PHAX: variants seen among roughly 807,000 people sequenced by gnomAD.
PHAX encodes the protein phosphorylated adapter RNA export protein.
PHAX carries 31 observed loss-of-function variants against 41.6 expected under a neutral mutation model. That is an observed-to-expected ratio of 0.75 (90% CI 0.56 to 1.01). PHAX has a LOEUF of 1.01. PHAX is among the 50% of genes least tolerant of loss of function. The pLI, the probability that PHAX is intolerant of heterozygous loss-of-function variation, is 0.00. For synonymous variants in PHAX, 175 were observed against 164.9 expected (o/e 1.06, Z -0.47); for missense variants, 453 against 472.9 (o/e 0.96, Z 0.39).
chr5:126,602,513 AAG>A (rs1388121774), intron 1 of PHAX, among the ~76,000 whole-genome samples: 5 of 152,252 alleles, frequency 3.3e-5, no homozygotes, highest in Non-Finnish European at 7.3e-5. Flanking sequence ...TTATTATTTG[AAG>A]ATAGGAAGAT....
chr5:126,624,261 C>T (rs985002626), intron 4 of PHAX, among the ~76,000 whole-genome samples: 2 of 152,000 alleles, frequency 1.3e-5, no homozygotes, highest in African/African-American at 2.4e-5. Context: ...CACCCACCTC[C>T]GCCTCCCAAA....
At position 126,613,751 on chromosome 5, in the gene PHAX, T is replaced by G. The variant is rs1752141953; in HGVS notation, c.832-3499T>G. 2.0e-5 allele frequency among the ~76,000 whole-genome samples: 3 copies of G among 151,252 alleles called. No individual in the cohort carries two copies. In the South Asian group the frequency reaches 6.3e-4, roughly 32 times the overall value. ...ATGGTTAGTAGGATCATGGGTGGTT[T>G]TTTTCTTTTCTTTTTCTTTCTTTCT... On this transcript the variant is annotated intron_variant, in intron 3 of 4. Coordinates refer to ENST00000297540, the MANE Select transcript of PHAX (RefSeq NM_032177.4).
At chr5:126,610,749 C>T (rs949574721) in intron 3 of PHAX, among the ~76,000 whole-genome samples, 1 of 152,200 alleles carries the variant, frequency 6.6e-6, no homozygotes, top group African/African-American at 2.4e-5. Context: ...CTCTCTTGCC[C>T]AGGCTGGAGT....
chr5:126,608,601 G>A, intron 3 of PHAX, 117 bp downstream of exon 3: 1 of 786,582 alleles, frequency 1.3e-6, no homozygotes, highest in Non-Finnish European at 2.0e-6. Flanking sequence ...CTTACAGTAT[G>A]TTTGAAGTTT....
chr5:126,604,791 T>A (rs1238033178), intron 2 of PHAX, among the ~76,000 whole-genome samples: 1 of 151,546 alleles, frequency 6.6e-6, no homozygotes, highest in Admixed American at 6.6e-5. Flanking sequence ...ATCCCAGCAC[T>A]TTGGGAGGCT....
chr5:126,617,899 C>T (rs557778496), intron 4 of PHAX, among the ~76,000 whole-genome samples: 3 of 152,206 alleles, frequency 2.0e-5, no homozygotes, highest in African/African-American at 7.2e-5. Context: ...CAGGCATGAA[C>T]CATTCTTTCT....
rs1015729008 is a variant in PHAX, at chr5:126,626,984, G to T, written c.*2140G>T. On this transcript the variant is annotated 3_prime_UTR_variant, in exon 5 of 5. Transcript: ENST00000297540. Reference sequence around the variant, plus strand: ...TCATTTTTATTAATGAAGAAAATAAGGTAGTTTAGACATTCCAAGAGTTAA... The same window carrying T: ...TCATTTTTATTAATGAAGAAAATAATGTAGTTTAGACATTCCAAGAGTTAA... 2 of 152,072 alleles carry T rather than the reference G, an allele frequency of 1.3e-5. No homozygotes were observed. The highest frequency in any genetic ancestry group is 4.8e-5 in the African/African-American group (2 of 41,418). The allele number at this position is 152,072 out of a possible 1,614,324, so 9.4% of individuals were successfully genotyped here.
At chr5:126,611,149 G>A (rs377349642) in intron 3 of PHAX, among the ~76,000 whole-genome samples, 1 of 151,000 alleles carries the variant, frequency 6.6e-6, no homozygotes, top group East Asian at 2.0e-4. Flanking sequence ...TCTGCCTCCC[G>A]GGTTCAAGCG....
In PHAX at chr5:126,625,191, C is replaced by T. The variant is rs1478917125; in HGVS notation, c.*347C>T. The T allele has an allele frequency of 5.3e-6, 1 of 187,144 alleles. No individual in the cohort carries two copies. The highest frequency in any genetic ancestry group is 1.1e-5 in the Non-Finnish European group (1 of 91,630). 11.6% of individuals were successfully genotyped at this position (187,144 alleles called of 1,614,324 possible). A position where few individuals can be genotyped will look rare whatever the true frequency, so the allele number is the denominator to read the frequency against. ...TATCTTTGCAGTGAATTATGCTTTG[C>T]TTTAAAACATTCCGCTAAAATCATA... is the stretch of plus-strand genomic sequence containing the variant. On this transcript the variant is annotated 3_prime_UTR_variant, in exon 5 of 5. Transcript: ENST00000297540.
At chr5:126,605,199 T>C (rs1751970466) in intron 2 of PHAX, among the ~76,000 whole-genome samples, 1 of 151,846 alleles carries the variant, frequency 6.6e-6, no homozygotes, top group Non-Finnish European at 1.5e-5. Flanking sequence ...GGTCTTGCTC[T>C]GGTCACTCAG....
At chr5:126,615,663 A>G (rs1342973980) in intron 3 of PHAX, among the ~76,000 whole-genome samples, 2 of 152,126 alleles carry the variant, frequency 1.3e-5, no homozygotes, top group East Asian at 3.8e-4. Flanking sequence ...TCGTTTAGGC[A>G]TGAGTTATAG....
At chr5:126,622,425 C>A (rs1380790254) in intron 4 of PHAX, among the ~76,000 whole-genome samples, 1 of 147,166 alleles carries the variant, frequency 6.8e-6, no homozygotes, top group Non-Finnish European at 1.5e-5. Flanking sequence ...AGCCAGCAAA[C>A]CCAGCCTAAT....
chr5:126,624,563 C>T lies in PHAX; in HGVS notation c.916-12C>T. On this transcript the variant is annotated splice_polypyrimidine_tract_variant and intron_variant, in intron 4 of 4. Transcript: ENST00000297540. ...GTAGTTCTTGTTTACTAACTTTGTT[C>T]CTTTATTACAGGACATTTTCTACAT... 6.4e-7 allele frequency: 1 copy of T among 1,566,104 alleles called. No homozygotes were observed. The highest frequency in any genetic ancestry group is 8.6e-7 in the Non-Finnish European group (1 of 1,158,986).
intron 4 of PHAX, among the ~76,000 whole-genome samples, chr5:126,622,061 C>T (rs952249844): frequency 6.6e-6 from 1 of 151,984 alleles, no homozygotes; most frequent in African/African-American, 2.4e-5. Context: ...TCAAGCAATT[C>T]TCCTGCCTCA....
intron 3 of PHAX, among the ~76,000 whole-genome samples, chr5:126,611,611 T>C (rs1752102615): frequency 6.6e-6 from 1 of 151,916 alleles, no homozygotes; most frequent in African/African-American, 2.4e-5. Flanking sequence ...CATGGTGAAA[T>C]CCTGTTCTAC....
chr5:126,612,675 T>A (rs1475768555), intron 3 of PHAX, among the ~76,000 whole-genome samples: 1 of 152,150 alleles, frequency 6.6e-6, no homozygotes, highest in African/African-American at 2.4e-5. Context: ...GACTCCAGCC[T>A]GGGCAACAAG....
intron 1 of PHAX, among the ~76,000 whole-genome samples, chr5:126,603,294 T>C (rs946185430): frequency 9.2e-5 from 14 of 152,188 alleles, no homozygotes; most frequent in African/African-American, 3.1e-4. Flanking sequence ...ACTGAAAAGT[T>C]TGAAATCTTT....
intron 4 of PHAX, among the ~76,000 whole-genome samples, chr5:126,622,977 A>G (rs1297176783): frequency 1.3e-5 from 2 of 151,890 alleles, no homozygotes; most frequent in African/African-American, 2.4e-5. Flanking sequence ...AATACAAAAT[A>G]TAGTTAGGTG....
rs572255573 is a variant in PHAX at position 126,624,849 on chromosome 5, A to C, written c.*5A>C. On this transcript the variant is annotated 3_prime_UTR_variant, in exon 5 of 5. Transcript: ENST00000297540. ...CATGATTTGGACATCTTTTAAGTAC[A>C]TTTTCAACAGTTTGAGGACTAAGCC... 8 of 1,597,410 alleles carry C rather than the reference A, an allele frequency of 5.0e-6. No homozygotes were observed. The African/African-American group carries it at 9.4e-5, about 19-fold the overall frequency.
Sources: gnomAD v4.1 joint callset for allele counts (sites outside exome capture counted in the v4.1 genomes callset) on GRCh38, gnomAD v4.1.1 for gene constraint, MANE v1.5 for transcripts, NCBI Gene and HGNC (gene_info 2026-07-23, HGNC 2026-07-21) for gene names.